MRTFA: variants seen among roughly 807,000 people sequenced by gnomAD.
MRTFA encodes the protein myocardin-related transcription factor A.
In MRTFA, 20 loss-of-function variants were observed where a neutral mutation model predicts 83.5. That is an observed-to-expected ratio of 0.24 (90% CI 0.17 to 0.35). The LOEUF (loss-of-function observed/expected upper bound fraction) is 0.35, where lower values mean the gene tolerates loss of function less well. Among genes scored for constraint, MRTFA ranks in the 10% least tolerant of loss-of-function variants. MRTFA has a pLI of 1.00. For missense variants in MRTFA, 1,200 were observed against 1,224.7 expected (o/e 0.98, Z 0.30); for synonymous variants, 659 against 541.2 (o/e 1.22, Z -3.02).
At chr22:40,450,534 C>T (rs546496822) in intron 4 of MRTFA, among the ~76,000 whole-genome samples, 31 of 152,208 alleles carry the variant, frequency 2.0e-4, no homozygotes, top group Middle Eastern at 3.4e-3. Flanking sequence ...GGGCTCACTG[C>T]AGCCTCCATC....
intron 7 of MRTFA, among the ~76,000 whole-genome samples, chr22:40,424,976 T>C (rs1256101958): frequency 6.6e-6 from 1 of 152,146 alleles, no homozygotes; most frequent in East Asian, 1.9e-4. Flanking sequence ...AGAAAGGGGA[T>C]GTTTGCCTGC....
At chr22:40,568,650 T>C (rs545088955) in intron 2 of MRTFA, among the ~76,000 whole-genome samples, 1 of 152,208 alleles carries the variant, frequency 6.6e-6, no homozygotes, top group African/African-American at 2.4e-5. Context: ...AGGGAACACA[T>C]AGTACAGGCA....
At chr22:40,616,321 T>C (rs2056448818) in intron 1 of MRTFA, among the ~76,000 whole-genome samples, 1 of 152,190 alleles carries the variant, frequency 6.6e-6, no homozygotes, top group African/African-American at 2.4e-5. Context: ...GCTTGGAGCC[T>C]ACAGAGAGCA....
intron 4 of MRTFA, among the ~76,000 whole-genome samples, chr22:40,440,549 T>C (rs1037079687): frequency 1.1e-4 from 17 of 152,372 alleles, no homozygotes; most frequent in African/African-American, 3.1e-4. Flanking sequence ...GAGGGAGCAC[T>C]GGCCCCTCTT....
intron 2 of MRTFA, among the ~76,000 whole-genome samples, chr22:40,564,030 C>A (rs1319959119): frequency 1.3e-5 from 2 of 152,112 alleles, no homozygotes; most frequent in African/African-American, 2.4e-5. Context: ...GTACCTGGCA[C>A]AGAACAGGAA....
chr22:40,607,481 G>A (rs2056331693), intron 1 of MRTFA, among the ~76,000 whole-genome samples: 1 of 149,138 alleles, frequency 6.7e-6, no homozygotes, highest in African/African-American at 2.5e-5. Context: ...TCCAGCCTGG[G>A]CGACAGAGCG....
At chr22:40,499,414 G>A (rs1237727151) in intron 3 of MRTFA, among the ~76,000 whole-genome samples, 3 of 152,076 alleles carry the variant, frequency 2.0e-5, no homozygotes, top group Non-Finnish European at 4.4e-5. Context: ...AGCACACTAT[G>A]GACTGACCAC....
At position 40,445,760 on chromosome 22, in the gene MRTFA, G is replaced by A. The variant is rs915399142; in HGVS notation, c.308-10206C>T. Reference sequence around the variant, plus strand: ...AGACGGGGTTTCACCGTGTTGGTCAGGCTGGTCTTGAACTCCTCACCTCGT... The same window carrying A: ...AGACGGGGTTTCACCGTGTTGGTCAAGCTGGTCTTGAACTCCTCACCTCGT... On this transcript the variant is annotated intron_variant, in intron 4 of 14. Transcript: ENST00000355630. Among the ~76,000 whole-genome samples, 17 of 152,150 alleles carry A rather than the reference G, an allele frequency of 1.1e-4. 2 individuals carry two copies. Among genetic ancestry groups the A allele is most frequent in the Admixed American group, 9.8e-4 (15 of 15,272 alleles).
chr22:40,573,083 G>A (rs2055819633), intron 2 of MRTFA, among the ~76,000 whole-genome samples: 1 of 152,178 alleles, frequency 6.6e-6, no homozygotes, highest in African/African-American at 2.4e-5. Flanking sequence ...CACAGAGATA[G>A]AAAGTAGATT....
intron 1 of MRTFA, among the ~76,000 whole-genome samples, chr22:40,621,321 G>C (rs1288048567): frequency 6.6e-6 from 1 of 152,136 alleles, no homozygotes; most frequent in Non-Finnish European, 1.5e-5. Flanking sequence ...GCTACAACAT[G>C]GATGACTCTT....
intron 3 of MRTFA, among the ~76,000 whole-genome samples, chr22:40,484,848 G>A (rs1460584703): frequency 1.3e-5 from 2 of 151,932 alleles, no homozygotes; most frequent in East Asian, 1.9e-4. Flanking sequence ...CGACGCAGGC[G>A]GATCACGAGG....
chr22:40,443,757 C>A (rs867161077), intron 4 of MRTFA, among the ~76,000 whole-genome samples: 2 of 152,120 alleles, frequency 1.3e-5, no homozygotes, highest in South Asian at 4.1e-4. Flanking sequence ...GCCCCAATAC[C>A]CTTGGCTGGG....
At chr22:40,462,348 G>C (rs2147151804) in intron 4 of MRTFA, among the ~76,000 whole-genome samples, 1 of 152,290 alleles carries the variant, frequency 6.6e-6, no homozygotes, top group Non-Finnish European at 1.5e-5. Context: ...ATGAATGAAT[G>C]AATGAATGAG....
At chr22:40,531,371 G>A (rs1028818888) in intron 3 of MRTFA, among the ~76,000 whole-genome samples, 2 of 150,030 alleles carry the variant, frequency 1.3e-5, no homozygotes, top group East Asian at 2.0e-4. Context: ...TTACAGGTGT[G>A]AGCCACCATG....
At chr22:40,494,756 T>C (rs1388002327) in intron 3 of MRTFA, among the ~76,000 whole-genome samples, 3 of 151,668 alleles carry the variant, frequency 2.0e-5, no homozygotes, top group African/African-American at 7.3e-5. Context: ...CAATAAACTA[T>C]TGTTACAGGA....
In MRTFA at chr22:40,609,494, A is replaced by C. The variant is rs953415809; in HGVS notation, c.-83-14759T>G. ...CCTGTCTCTTTAACAAAAAAAAAAA[A>C]AAAAAAAAAACACTTTAAATTTTTG... On this transcript the variant is annotated intron_variant, in intron 1 of 14. Coordinates refer to ENST00000355630, the MANE Select transcript of MRTFA (RefSeq NM_020831.6). Among the ~76,000 whole-genome samples, 2 of 151,280 alleles carry C rather than the reference A, an allele frequency of 1.3e-5. 1 individual carries two copies. The highest frequency in any genetic ancestry group is 4.9e-5 in the African/African-American group (2 of 41,026).
chr22:40,528,651 C>T (rs1178388125), intron 3 of MRTFA, among the ~76,000 whole-genome samples: 1 of 150,520 alleles, frequency 6.6e-6, no homozygotes, highest in Non-Finnish European at 1.5e-5. Flanking sequence ...GCAGGAGAAT[C>T]GCTTGAACTC....
chr22:40,609,554 G>C (rs1393182039), intron 1 of MRTFA, among the ~76,000 whole-genome samples: 1 of 151,780 alleles, frequency 6.6e-6, no homozygotes, highest in Non-Finnish European at 1.5e-5. Flanking sequence ...TTTTAGGCTG[G>C]GCACGGTGGT....
chr22:40,440,128 GGTGACAGA>G (rs1205354255), intron 4 of MRTFA, among the ~76,000 whole-genome samples: 1 of 148,682 alleles, frequency 6.7e-6, no homozygotes, highest in Non-Finnish European at 1.5e-5. Flanking sequence ...CTCCAGCCTG[GGTGACAGA>G]GTGAGACTCC....
Sources: allele counts gnomAD v4.1 joint callset (sites outside exome capture counted in the v4.1 genomes callset), GRCh38; gene constraint gnomAD v4.1.1; transcripts MANE v1.5; gene names NCBI Gene and HGNC (gene_info 2026-07-23, HGNC 2026-07-21).